The following RALA variants were observed in gnomAD, a reference collection of about 807,000 sequenced individuals.
RALA encodes the protein ras-related protein Ral-A.
In RALA, 5 loss-of-function variants were observed where a neutral mutation model predicts 24.0. The observed-to-expected ratio is 0.21, with a 90% CI of 0.11 to 0.44. RALA has a LOEUF of 0.44. RALA is among the 20% of genes least tolerant of loss of function. RALA has a pLI of 0.99. For missense variants in RALA, 95 were observed against 241.2 expected, an observed-to-expected ratio of 0.39 and a Z score of 4.01; for synonymous variants, 77 against 83.8, an observed-to-expected ratio of 0.92 and a Z score of 0.44.
intron 1 of RALA, among the ~76,000 whole-genome samples, chr7:39,669,985 A>T (rs1420271155): frequency 6.6e-6 from 1 of 152,160 alleles, no homozygotes; most frequent in Admixed American, 6.5e-5. Flanking sequence ...CAAAGCTCTC[A>T]TGGACAATAT....
intron 1 of RALA, among the ~76,000 whole-genome samples, chr7:39,627,541 A>G (rs1791514454): frequency 6.6e-6 from 1 of 152,230 alleles, no homozygotes; most frequent in African/African-American, 2.4e-5. Context: ...TTGGACAATA[A>G]GACATAGTTA....
chr7:39,681,301 C>A (rs77148342), intron 1 of RALA, among the ~76,000 whole-genome samples: 1 of 89,308 alleles, frequency 1.1e-5, no homozygotes, highest in Non-Finnish European at 2.5e-5. Context: ...CCACCCTATT[C>A]CTTTTTTTTT....
chr7:39,626,144 C>T (rs751966484), intron 1 of RALA, among the ~76,000 whole-genome samples: 2 of 152,236 alleles, frequency 1.3e-5, no homozygotes, highest in African/African-American at 2.4e-5. Flanking sequence ...ACCTCAGTGA[C>T]ATTACCACTA....
chr7:39,637,283 A>C (rs892431005), intron 1 of RALA, among the ~76,000 whole-genome samples: 4 of 152,120 alleles, frequency 2.6e-5, no homozygotes, highest in Non-Finnish European at 4.4e-5. Context: ...AAGTGTGACT[A>C]ATTTTTTTTA....
chr7:39,643,292 CTTG>C (rs1257349407), intron 1 of RALA, among the ~76,000 whole-genome samples: 3 of 152,198 alleles, frequency 2.0e-5, no homozygotes, highest in Admixed American at 6.5e-5. Context: ...CCAGAACCTA[CTTG>C]TTGTTACTTT....
chr7:39,664,033 G>A (rs1792244087), intron 1 of RALA, among the ~76,000 whole-genome samples: 1 of 152,212 alleles, frequency 6.6e-6, no homozygotes, highest in Admixed American at 6.5e-5. Flanking sequence ...AAGCCATTAA[G>A]AAAAACATTG....
intron 3 of RALA, among the ~76,000 whole-genome samples, chr7:39,694,249 A>G (rs1344634879): frequency 6.6e-6 from 1 of 152,250 alleles, no homozygotes; most frequent in Admixed American, 6.5e-5. Flanking sequence ...ATTGAGAACT[A>G]GTGATGTCTT....
At chr7:39,695,670 CT>C (rs1792906157) in intron 3 of RALA, among the ~76,000 whole-genome samples, 1 of 152,030 alleles carries the variant, frequency 6.6e-6, no homozygotes, top group African/African-American at 2.4e-5. Context: ...TCCCAAAGTG[CT>C]GGGTTTACAG....
rs1417162326 is a variant in RALA, at chr7:39,686,757, G to A, written c.90G>A (p.Leu30=). The change falls in exon 2 of 5, where the codon CTG becomes CTA. Residue 30 remains leucine, a synonymous_variant. Coordinates refer to ENST00000005257, the MANE Select transcript of RALA (RefSeq NM_005402.4). ...VGSGGVGKSA[L]TLQFMYDEFV... Reference sequence around the variant, plus strand: ...GTGGTGGCGTGGGCAAGTCAGCTCTGACTCTACAGTTCATGTACGATGAGG... The same window carrying A: ...GTGGTGGCGTGGGCAAGTCAGCTCTAACTCTACAGTTCATGTACGATGAGG... 6.2e-7 allele frequency: 1 copy of A among 1,613,780 alleles called. No individual in the cohort carries two copies. Among genetic ancestry groups the A allele is most frequent in the Non-Finnish European group, 8.5e-7 (1 of 1,179,720 alleles).
In RALA at chr7:39,686,660, G is replaced by A; in HGVS notation, c.-8G>A. On this transcript the variant is annotated 5_prime_UTR_variant, in exon 2 of 5. Coordinates refer to ENST00000005257, the MANE Select transcript of RALA (RefSeq NM_005402.4). Reference sequence around the variant, plus strand: ...TTCTTAATCCTTTGGTGAAAACTGAGACACAAAATGGCTGCAAATAAGCCC... The same window carrying A: ...TTCTTAATCCTTTGGTGAAAACTGAAACACAAAATGGCTGCAAATAAGCCC... 2.5e-6 allele frequency: 4 copies of A among 1,605,276 alleles called. No individual in the cohort carries two copies. The highest frequency in any genetic ancestry group is 3.4e-6 in the Non-Finnish European group (4 of 1,172,022).
At chr7:39,665,773 C>T (rs1451802794) in intron 1 of RALA, among the ~76,000 whole-genome samples, 2 of 151,866 alleles carry the variant, frequency 1.3e-5, no homozygotes, top group Non-Finnish European at 2.9e-5. Flanking sequence ...TGCCTCTAAC[C>T]TTTGTGTAAG....
At chr7:39,699,118 G>GTTGTTT (rs1209729467) in intron 4 of RALA, among the ~76,000 whole-genome samples, 1 of 84,140 alleles carries the variant, frequency 1.2e-5, no homozygotes, top group Non-Finnish European at 2.5e-5. Context: ...TGCTAAAAAT[G>GTTGTTT]TTATTTTTTT....
intron 1 of RALA, among the ~76,000 whole-genome samples, chr7:39,626,723 G>T (rs1432912166): frequency 6.6e-6 from 1 of 152,184 alleles, no homozygotes; most frequent in African/African-American, 2.4e-5. Flanking sequence ...TAAAGTAACA[G>T]AATCGTCCCT....
At chr7:39,695,878 T>C (rs1792910540) in intron 3 of RALA, among the ~76,000 whole-genome samples, 1 of 152,222 alleles carries the variant, frequency 6.6e-6, no homozygotes, top group African/African-American at 2.4e-5. Context: ...CTTTTGTTTT[T>C]TGATTTTACA....
chr7:39,625,226 T>G (rs556156955), intron 1 of RALA, among the ~76,000 whole-genome samples: 2 of 152,380 alleles, frequency 1.3e-5, no homozygotes, highest in African/African-American at 4.8e-5. Flanking sequence ...TTACAGACTT[T>G]ACTTCGTGTT....
At chr7:39,695,492 G>A (rs190288939) in intron 3 of RALA, among the ~76,000 whole-genome samples, 2 of 151,708 alleles carry the variant, frequency 1.3e-5, no homozygotes, top group African/African-American at 2.4e-5. Context: ...GCTCACTGCA[G>A]CCTTGAACTC....
chr7:39,657,956 C>G (rs1792123159), intron 1 of RALA, among the ~76,000 whole-genome samples: 1 of 152,228 alleles, frequency 6.6e-6, no homozygotes, highest in East Asian at 1.9e-4. Flanking sequence ...TGAGCCATGA[C>G]TGTACCCACT....
At chr7:39,632,451 G>A (rs769006914) in intron 1 of RALA, among the ~76,000 whole-genome samples, 1 of 152,166 alleles carries the variant, frequency 6.6e-6, no homozygotes, top group East Asian at 1.9e-4. Flanking sequence ...ACATTTCAAT[G>A]TAGATAATAG....
intron 1 of RALA, among the ~76,000 whole-genome samples, chr7:39,626,127 A>G (rs918740948): frequency 3.3e-5 from 5 of 152,306 alleles, no homozygotes; most frequent in Admixed American, 6.5e-5. Context: ...GAAGCCAGCA[A>G]TTTCTTACCT....
Sources: allele counts gnomAD v4.1 joint callset (sites outside exome capture counted in the v4.1 genomes callset), GRCh38; gene constraint gnomAD v4.1.1; transcripts MANE v1.5; gene names NCBI Gene and HGNC (gene_info 2026-07-23, HGNC 2026-07-21).